The following HIVEP1 variants were observed in gnomAD, a reference collection of about 807,000 sequenced individuals.
HIVEP1 encodes HIVEP zinc finger 1, also known as zinc finger protein 40.
A neutral mutation model predicts 180.0 loss-of-function variants in HIVEP1; 36 were observed. The observed-to-expected ratio is 0.20, with a 90% CI of 0.15 to 0.26. The LOEUF is 0.26. Among genes scored for constraint, HIVEP1 ranks in the 10% least tolerant of loss-of-function variants. The probability of loss-of-function intolerance (pLI) is 1.00; values close to 1 mark genes in which losing one functional copy is unlikely to be tolerated. For missense variants in HIVEP1, 3,143 were observed against 3,268.7 expected (o/e 0.96, Z 0.94); for synonymous variants, 1,239 against 1,239.0 (o/e 1.00, Z 0.00).
chr6:12,061,703 G>C (rs767740354), intron 2 of HIVEP1, among the ~76,000 whole-genome samples: 2 of 152,016 alleles, frequency 1.3e-5, no homozygotes, highest in Non-Finnish European at 2.9e-5. Context: ...TATGGCTTTT[G>C]TTGACATAAG....
chr6:12,095,504 T>G (rs1773733461), intron 3 of HIVEP1, among the ~76,000 whole-genome samples: 1 of 138,672 alleles, frequency 7.2e-6, no homozygotes, highest in South Asian at 2.6e-4. Flanking sequence ...AATTTTTTTT[T>G]CTCCACATGG....
chr6:12,152,159 ATC>A (rs1759743597), intron 7 of HIVEP1, among the ~76,000 whole-genome samples: 1 of 152,174 alleles, frequency 6.6e-6, no homozygotes. Context: ...CCAAGACTTC[ATC>A]TCAAAAAAAC....
intron 5 of HIVEP1, among the ~76,000 whole-genome samples, chr6:12,130,132 T>A (rs573783335): frequency 7.9e-5 from 12 of 152,304 alleles, no homozygotes; most frequent in African/African-American, 2.9e-4. Flanking sequence ...AAAAACTAAA[T>A]TATTAGAGTG....
Position 12,164,162 on chromosome 6 carries a change from C to T in HIVEP1, c.7858C>T (p.Pro2620Ser), listed in dbSNP as rs1343802917. The stretch of plus-strand genomic sequence containing the variant: ...AAAAAAAGTTCTGAATCCACCTGCC[C>T]CTGCAGGTGACCATGCAAGGCTTGA... ...NAKKVLNPPA[P>S]AGDHARLDGL... Residue 2620 changes from proline to serine, a missense_variant, in exon 9 of 9, where the codon CCT becomes TCT. Physicochemically the swap from Pro to Ser is moderately conservative, Grantham distance 74. Around this residue, in one of 12 missense-constraint regions of HIVEP1, gnomAD observed 595 missense variants for 602.2 expected, o/e 0.99. Coordinates refer to ENST00000379388, the MANE Select transcript of HIVEP1 (RefSeq NM_002114.4). The T allele has an allele frequency of 1.2e-6, 2 of 1,614,180 alleles. No homozygotes were observed. Among genetic ancestry groups the T allele is most frequent in the East Asian group, 2.2e-5 (1 of 44,872 alleles).
At chr6:12,098,462 T>C (rs1335074512) in intron 3 of HIVEP1, among the ~76,000 whole-genome samples, 1 of 152,198 alleles carries the variant, frequency 6.6e-6, no homozygotes, top group African/African-American at 2.4e-5. Flanking sequence ...ATCTGAGTAT[T>C]TTCTATATAA....
intron 2 of HIVEP1, among the ~76,000 whole-genome samples, chr6:12,049,789 C>T (rs777040021): frequency 6.6e-6 from 1 of 152,002 alleles, no homozygotes. Flanking sequence ...TCCTTTTTCT[C>T]GTATGCTCTA....
At chr6:12,049,822 T>C (rs896448551) in intron 2 of HIVEP1, among the ~76,000 whole-genome samples, 8 of 152,352 alleles carry the variant, frequency 5.3e-5, no homozygotes, top group South Asian at 2.1e-4. Flanking sequence ...ACAATTTTTA[T>C]TATGTAATGA....
chr6:12,113,181 C>G (rs1041204851), intron 3 of HIVEP1, among the ~76,000 whole-genome samples: 1 of 150,772 alleles, frequency 6.6e-6, no homozygotes, highest in African/African-American at 2.4e-5. Flanking sequence ...AGAAGATACA[C>G]ATGTAAACAG....
intron 2 of HIVEP1, among the ~76,000 whole-genome samples, chr6:12,051,010 A>ATATATATATATATATATATG (rs1554135646): frequency 2.4e-5 from 3 of 122,510 alleles, no homozygotes; most frequent in Non-Finnish European, 4.8e-5. Context: ...GCATATATAT[A>ATATATATATATATATATATG]TATATATATA....
the HIVEP1 span, among the ~76,000 whole-genome samples, chr6:12,184,050 C>T: frequency 1.2e-4 from 18 of 148,286 alleles, 1 homozygote; most frequent in East Asian, 3.5e-3. Context: ...GACAGACAGA[C>T]AGACAGACAG....
At position 12,161,714 on chromosome 6, in the gene HIVEP1, A is replaced by G; in HGVS notation, c.6763A>G (p.Thr2255Ala). The G allele has an allele frequency of 6.2e-7, 1 of 1,614,172 alleles. No individual in the cohort carries two copies. The change falls in exon 8 of 9, where the codon ACC becomes GCC. Residue 2255 changes from threonine to alanine, a missense_variant. Coordinates refer to ENST00000379388, the MANE Select transcript of HIVEP1 (RefSeq NM_002114.4). ...PMDVLPRALL[T>A]RMTVLSTAQS... ...GGACGTTCTGCCCAGGGCGCTGCTC[A>G]CCAGAATGACTGTCCTGAGCACAGC...
intron 3 of HIVEP1, among the ~76,000 whole-genome samples, chr6:12,092,152 C>T (rs1166064594): frequency 2.0e-5 from 3 of 152,138 alleles, no homozygotes; most frequent in Non-Finnish European, 2.9e-5. Context: ...TATCCACCCA[C>T]ATGCTGATCG....
intron 2 of HIVEP1, among the ~76,000 whole-genome samples, chr6:12,081,205 T>A (rs1772764341): frequency 6.6e-6 from 1 of 152,180 alleles, no homozygotes; most frequent in Non-Finnish European, 1.5e-5. Flanking sequence ...CCAAGCTTTG[T>A]AAGAGTAGAT....
intron 2 of HIVEP1, among the ~76,000 whole-genome samples, chr6:12,023,000 T>G (rs1385951765): frequency 6.6e-6 from 1 of 152,332 alleles, no homozygotes; most frequent in East Asian, 1.9e-4. Flanking sequence ...CTTCACTTAG[T>G]TCTCAAGAAA....
At chr6:12,101,316 C>T (rs1489944149) in intron 3 of HIVEP1, among the ~76,000 whole-genome samples, 3 of 152,036 alleles carry the variant, frequency 2.0e-5, no homozygotes, top group South Asian at 2.1e-4. Flanking sequence ...GTTTTCTTCT[C>T]TTAGTGGAGT....
chr6:12,109,339 A>G (rs1448165278), intron 3 of HIVEP1, among the ~76,000 whole-genome samples: 2 of 152,172 alleles, frequency 1.3e-5, no homozygotes, highest in African/African-American at 2.4e-5. Flanking sequence ...TTTTACTTTC[A>G]TGAAAGATTT....
chr6:12,081,049 C>T (rs1381031894), intron 2 of HIVEP1, among the ~76,000 whole-genome samples: 1 of 152,158 alleles, frequency 6.6e-6, no homozygotes, highest in Non-Finnish European at 1.5e-5. Context: ...TCACTCTTCA[C>T]ACTGCCTTTC....
intron 2 of HIVEP1, among the ~76,000 whole-genome samples, chr6:12,039,630 G>A (rs1221325170): frequency 6.6e-6 from 1 of 152,166 alleles, no homozygotes; most frequent in Non-Finnish European, 1.5e-5. Flanking sequence ...GGAGGTCCTG[G>A]CAGAGGCTTA....
At chr6:12,138,879 A>G (rs1758846567) in intron 7 of HIVEP1, among the ~76,000 whole-genome samples, 1 of 151,790 alleles carries the variant, frequency 6.6e-6, no homozygotes, top group Admixed American at 6.6e-5. Flanking sequence ...TCTTGAAGTC[A>G]TCCTTGATGC....
Sources: allele counts gnomAD v4.1 joint callset (sites outside exome capture counted in the v4.1 genomes callset), GRCh38; gene constraint gnomAD v4.1.1; regional missense constraint gnomAD v4.1.1; transcripts MANE v1.5; gene names NCBI Gene and HGNC (gene_info 2026-07-23, HGNC 2026-07-21).